Variants in ACYP1 observed in about 807,000 individuals in gnomAD.
ACYP1 encodes acylphosphatase 1.
A neutral mutation model predicts 10.4 loss-of-function variants in ACYP1; 8 were observed. The ratio of observed to expected loss-of-function variants is 0.77; its 90% confidence interval spans 0.45 to 1.38. The LOEUF is 1.38. ACYP1 is among the 40% of genes most tolerant of loss of function. The pLI, the probability that ACYP1 is intolerant of heterozygous loss-of-function variation, is 0.00. For missense variants in ACYP1, 93 were observed against 117.3 expected (o/e 0.79, Z 0.96); for synonymous variants, 38 against 40.8 (o/e 0.93, Z 0.26).
At chr14:75,055,540 C>G (rs916824915) in intron 2 of ACYP1, among the ~76,000 whole-genome samples, 1 of 151,322 alleles carries the variant, frequency 6.6e-6, no homozygotes, top group Non-Finnish European at 1.5e-5. Flanking sequence ...TTTTGAATAT[C>G]TATTGCACCA....
chr14:75,064,039 G>C (rs1893099454), upstream of ACYP1: 2 of 988,410 alleles, frequency 2.0e-6, no homozygotes, highest in Non-Finnish European at 2.4e-6. Context: ...CTCCGCGCCC[G>C]GAAGTTTAGT....
In ACYP1 at chr14:75,056,412, G is replaced by A. The variant is rs185659087; in HGVS notation, c.85-2753C>T. On this transcript the variant is annotated intron_variant, in intron 2 of 2. Transcript: ENST00000238618. ...TTAAAATTCAAATTCTAACCTGGAAGGAATCTTTGAAACATGAATGTGAAT... is the reference window on the plus strand; with the variant it reads ...TTAAAATTCAAATTCTAACCTGGAAAGAATCTTTGAAACATGAATGTGAAT... 1.6e-3 allele frequency among the ~76,000 whole-genome samples: 240 copies of A among 151,490 alleles called. 12 individuals carry two copies. Among genetic ancestry groups the A allele is most frequent in the African/African-American group, 5.6e-3 (229 of 41,018 alleles).
At chr14:75,054,188 G>A (rs911918370) in intron 2 of ACYP1, among the ~76,000 whole-genome samples, 3 of 152,108 alleles carry the variant, frequency 2.0e-5, no homozygotes, top group African/African-American at 7.2e-5. Flanking sequence ...AACTCATCCC[G>A]TTGTTCTTAC....
chr14:75,063,426 G>T, intron 2 of ACYP1, 44 bp downstream of exon 2: 1 of 1,525,092 alleles, frequency 6.6e-7, no homozygotes, highest in Non-Finnish European at 9.1e-7. Context: ...TTGTTCCTAT[G>T]CCCACAACCT....
intron 2 of ACYP1, among the ~76,000 whole-genome samples, chr14:75,055,079 C>CTTTTTTTTTTTTTTTTTTT (rs33920224): frequency 1.3e-5 from 1 of 75,084 alleles, no homozygotes. Flanking sequence ...TATCTGAACT[C>CTTTTTTTTTTTTTTTTTTT]TTTTTTTTTT....
At chr14:75,062,820 G>C (rs995363530) in intron 2 of ACYP1, among the ~76,000 whole-genome samples, 4 of 152,216 alleles carry the variant, frequency 2.6e-5, no homozygotes, top group Non-Finnish European at 4.4e-5. Flanking sequence ...CCACATTAAA[G>C]CAGAGGTAGA....
chr14:75,069,337 T>C (rs1486222186), exon 1 of ACYP1: 2 of 1,374,428 alleles, frequency 1.5e-6, no homozygotes, highest in East Asian at 2.9e-5. Flanking sequence ...CTCCGCCCTT[T>C]GCCAGACAAG....
At chr14:75,057,964 C>CAAAAAAAAAAAAAAA (rs769312151) in intron 2 of ACYP1, among the ~76,000 whole-genome samples, 3 of 38,808 alleles carry the variant, frequency 7.7e-5, no homozygotes, top group African/African-American at 1.1e-4. Flanking sequence ...GACTCTGTCT[C>CAAAAAAAAAAAAAAA]AAAAAAAAAA....
chr14:75,068,136 A>G (rs1893184377), upstream of ACYP1, among the ~76,000 whole-genome samples: 1 of 151,770 alleles, frequency 6.6e-6, no homozygotes, highest in African/African-American at 2.4e-5. Context: ...CTAAAAATAC[A>G]AAAAATTAGC....
intron 1 of ACYP1, chr14:75,069,123 C>G (rs1269129188): frequency 7.7e-7 from 1 of 1,295,554 alleles, no homozygotes; most frequent in Non-Finnish European, 1.0e-6. Context: ...AAAACTACCA[C>G]GGAAAGATAC....
chr14:75,061,197 T>A (rs777772716), intron 2 of ACYP1, among the ~76,000 whole-genome samples: 7 of 152,186 alleles, frequency 4.6e-5, no homozygotes, highest in Non-Finnish European at 1.0e-4. Context: ...GGTAGGGGTT[T>A]CTTTTTGGGA....
At chr14:75,061,402 A>G (rs1424842416) in intron 2 of ACYP1, among the ~76,000 whole-genome samples, 1 of 152,258 alleles carries the variant, frequency 6.6e-6, no homozygotes, top group Non-Finnish European at 1.5e-5. Flanking sequence ...AACAGCAAAC[A>G]TTGCAGCAAA....
In ACYP1 at chr14:75,056,176, T is replaced by G. The variant is rs1183513306; in HGVS notation, c.85-2517A>C. ...GGACCAGATGGCTTCATGGGTAAAT[T>G]CTACCAAATGTTTAAAAAAAAATCC... is the stretch of plus-strand genomic sequence containing the variant. On this transcript the variant is annotated intron_variant, in intron 2 of 2. Coordinates refer to ENST00000238618, the MANE Select transcript of ACYP1 (RefSeq NM_001107.5). Among the ~76,000 whole-genome samples, 3 of 150,950 alleles carry G rather than the reference T, an allele frequency of 2.0e-5. No homozygotes were observed. The East Asian group carries it at 5.8e-4, about 29-fold the overall frequency.
chr14:75,060,027 G>A, intron 2 of ACYP1: 1 of 388,374 alleles, frequency 2.6e-6, no homozygotes, highest in East Asian at 3.8e-5. Context: ...GCGTTCTGTA[G>A]ATAAACAGAA....
chr14:75,063,335 T>C, intron 2 of ACYP1, 135 bp downstream of exon 2: 1 of 688,136 alleles, frequency 1.5e-6, no homozygotes, highest in East Asian at 2.7e-5. Flanking sequence ...TTCATACTCA[T>C]TGCTCTACAA....
chr14:75,065,194 G>A (rs1893122486), upstream of ACYP1, among the ~76,000 whole-genome samples: 3 of 152,212 alleles, frequency 2.0e-5, no homozygotes, highest in Admixed American at 6.5e-5. Context: ...TGTGTGTGAA[G>A]GAAAACTGTG....
intron 2 of ACYP1, 90 bp downstream of exon 2, chr14:75,063,380 G>T (rs1373790051): frequency 8.6e-6 from 9 of 1,044,712 alleles, no homozygotes; most frequent in Admixed American, 3.6e-5. Flanking sequence ...CAAATAGCCA[G>T]CGGCTTCTAG....
intron 2 of ACYP1, among the ~76,000 whole-genome samples, chr14:75,062,679 A>AG (rs1272095417): frequency 7.1e-6 from 1 of 141,026 alleles, no homozygotes; most frequent in Non-Finnish European, 1.6e-5. Flanking sequence ...AAAAAAAAAA[A>AG]AAGAAGTTTT....
intron 2 of ACYP1, 131 bp from the exon 3 acceptor site, chr14:75,053,790 A>C: frequency 1.3e-6 from 1 of 763,830 alleles, no homozygotes. Flanking sequence ...GAACAGTCAA[A>C]AGAAAGACAG....
Sources: allele counts gnomAD v4.1 joint callset (sites outside exome capture counted in the v4.1 genomes callset), GRCh38; gene constraint gnomAD v4.1.1; transcripts MANE v1.5; gene names NCBI Gene and HGNC (gene_info 2026-07-23, HGNC 2026-07-21).